The following ENOX1 variants were observed in gnomAD, a reference collection of about 807,000 sequenced individuals.
The protein encoded by ENOX1 is candidate growth-related and time keeping constitutive hydroquinone (NADH) oxidase.
ENOX1 carries 42 observed loss-of-function variants against 82.5 expected under a neutral mutation model. The ratio of observed to expected loss-of-function variants is 0.51; its 90% CI spans 0.40 to 0.66. ENOX1 has a LOEUF of 0.66. Among genes scored for constraint, ENOX1 ranks in the 30% least tolerant of loss-of-function variants. The pLI, the probability that ENOX1 is intolerant of heterozygous loss-of-function variation, is 0.00. For missense variants in ENOX1, 608 were observed against 811.6 expected (o/e 0.75, Z 3.05); for synonymous variants, 271 against 282.2 (o/e 0.96, Z 0.40).
intron 5 of ENOX1, among the ~76,000 whole-genome samples, chr13:43,363,213 T>C (rs973623485): frequency 2.6e-5 from 4 of 152,202 alleles, no homozygotes; most frequent in African/African-American, 9.6e-5. Context: ...AAGTATGATT[T>C]CCATTTTACA....
Position 43,326,449 on chromosome 13 carries a change from C to T in ENOX1, c.1113G>A (p.Lys371=), listed in dbSNP as rs1374177814. ...AATGCTTTCGCCAAATGTCTATGTTCTTGCGCTGGGCTTTCGAGAAATGGT... is the reference window on the plus strand; with the variant it reads ...AATGCTTTCGCCAAATGTCTATGTTTTTGCGCTGGGCTTTCGAGAAATGGT... The part of the protein sequence containing the change: ...AWDHFSKAQR[K]NIDIWRKHSE... Residue 371 remains lysine (K), a synonymous_variant, in exon 10 of 17, where the codon AAG becomes AAA. Transcript: ENST00000690772. The T allele has an allele frequency of 6.2e-7, 1 of 1,614,148 alleles. No homozygotes were observed. The highest frequency in any genetic ancestry group is 1.7e-5 in the Admixed American group (1 of 60,030).
chr13:43,582,249 A>G (rs1225731806), intron 2 of ENOX1, among the ~76,000 whole-genome samples: 1 of 152,222 alleles, frequency 6.6e-6, no homozygotes, highest in Admixed American at 6.5e-5. Flanking sequence ...AACTTTTAAA[A>G]AAAATCCACA....
intron 1 of ENOX1, among the ~76,000 whole-genome samples, chr13:43,781,455 C>T (rs150926291): frequency 1.4e-3 from 210 of 152,116 alleles, no homozygotes; most frequent in African/African-American, 4.3e-3. Context: ...AATCTGAATA[C>T]ATTATTTTTA....
chr13:43,538,148 C>T (rs76166250), intron 2 of ENOX1, among the ~76,000 whole-genome samples: 4,402 of 152,278 alleles, frequency 0.029, 187 homozygotes, highest in African/African-American at 0.096. Context: ...GGTGTGTGCA[C>T]GCTGATATAG....
chr13:43,603,589 C>T (rs1040389359), intron 2 of ENOX1, among the ~76,000 whole-genome samples: 4 of 146,074 alleles, frequency 2.7e-5, no homozygotes, highest in Non-Finnish European at 5.9e-5. Context: ...TTCTTGTGTC[C>T]ATGTGTTCTC....
Position 43,484,144 on chromosome 13 carries a change from C to A in ENOX1, c.-210G>T, listed in dbSNP as rs2153657511. ...GGAAGACAGCATGGTTCTGACATATCAGAGGCTTCTGGAAGCAAAGAAAAG... is the reference window on the plus strand; with the variant it reads ...GGAAGACAGCATGGTTCTGACATATAAGAGGCTTCTGGAAGCAAAGAAAAG... On this transcript the variant is annotated 5_prime_UTR_variant, in exon 3 of 17. It removes the in-frame stop codon of an upstream open reading frame in the 5' UTR. Transcript: ENST00000690772. The A allele has an allele frequency of 3.0e-6, 3 of 985,392 alleles. No individual in the cohort carries two copies. The highest frequency in any genetic ancestry group is 4.7e-5 in the South Asian group (1 of 21,272). The allele number at this position is 985,392 out of a possible 1,614,324, so 61.0% of individuals were successfully genotyped here.
chr13:43,608,019 G>A (rs1456538199), intron 2 of ENOX1, among the ~76,000 whole-genome samples: 1 of 152,200 alleles, frequency 6.6e-6, no homozygotes, highest in Non-Finnish European at 1.5e-5. Flanking sequence ...CATGTATGAT[G>A]CAGAATGGCT....
intron 3 of ENOX1, among the ~76,000 whole-genome samples, chr13:43,417,242 C>A (rs1158909469): frequency 0.077 from 6,346 of 82,462 alleles, 607 homozygotes; most frequent in African/African-American, 0.23. Context: ...AGACGGGAGA[C>A]GGGAGAGGGA....
chr13:43,641,876 A>G (rs2083670345), intron 2 of ENOX1, among the ~76,000 whole-genome samples: 1 of 152,166 alleles, frequency 6.6e-6, no homozygotes, highest in South Asian at 2.1e-4. Context: ...GTCTATCAAG[A>G]TATTTCAAAA....
intron 14 of ENOX1, among the ~76,000 whole-genome samples, chr13:43,243,901 C>G (rs117482421): frequency 0.01 from 1,536 of 152,154 alleles, 14 homozygotes; most frequent in South Asian, 0.028. Context: ...ACATTTTACA[C>G]ACAGCACAAG....
intron 14 of ENOX1, among the ~76,000 whole-genome samples, chr13:43,237,502 G>C (rs1022009301): frequency 2.0e-5 from 3 of 152,172 alleles, no homozygotes; most frequent in Admixed American, 6.5e-5. Context: ...AGAATCATTA[G>C]GGAAGTTGAG....
chr13:43,315,882 A>G (rs1482617115), intron 11 of ENOX1, among the ~76,000 whole-genome samples: 1 of 152,220 alleles, frequency 6.6e-6, no homozygotes, highest in Non-Finnish European at 1.5e-5. Context: ...TGAAATGCCC[A>G]GAACACATAA....
chr13:43,299,855 C>T (rs1449430406), intron 11 of ENOX1, among the ~76,000 whole-genome samples: 2 of 152,174 alleles, frequency 1.3e-5, no homozygotes, highest in African/African-American at 4.8e-5. Context: ...TCAGTGCATG[C>T]GCGTTTCCAG....
chr13:43,635,278 T>C (rs1224819460), intron 2 of ENOX1, among the ~76,000 whole-genome samples: 1 of 152,204 alleles, frequency 6.6e-6, no homozygotes, highest in Non-Finnish European at 1.5e-5. Flanking sequence ...CTTAGTTTTA[T>C]TCAGACTTAA....
chr13:43,700,960 AT>A (rs1346395136), intron 1 of ENOX1, among the ~76,000 whole-genome samples: 2 of 152,012 alleles, frequency 1.3e-5, no homozygotes, highest in Non-Finnish European at 2.9e-5. Flanking sequence ...ATTTTAAAAG[AT>A]TTTTTCTTAT....
rs58695069 is a variant in ENOX1 at position 43,390,161 on chromosome 13, A to G, written c.208+21755T>C. ...TCATTCTCATCATTTCTAAAAGCCA[A>G]GCAGCCTTCAGTCAGTTTCACAATA... On this transcript the variant is annotated intron_variant, in intron 5 of 16. Transcript: ENST00000690772. Among the ~76,000 whole-genome samples, 388 of 152,326 alleles carry G rather than the reference A, an allele frequency of 2.5e-3. 1 individual carries two copies. Among genetic ancestry groups the G allele is most frequent in the African/African-American group, 8.9e-3 (371 of 41,576 alleles).
At chr13:43,563,427 A>C (rs952107193) in intron 2 of ENOX1, among the ~76,000 whole-genome samples, 5 of 152,118 alleles carry the variant, frequency 3.3e-5, no homozygotes, top group African/African-American at 1.2e-4. Context: ...ACTATAAAAG[A>C]AGAAAAACTT....
At chr13:43,370,195 A>T (rs544623488) in intron 5 of ENOX1, among the ~76,000 whole-genome samples, 94 of 152,218 alleles carry the variant, frequency 6.2e-4, no homozygotes, top group Admixed American at 3.9e-3. Context: ...GTGAAACCCC[A>T]TCTCTGCTAA....
At chr13:43,562,669 A>T (rs917858895) in intron 2 of ENOX1, among the ~76,000 whole-genome samples, 3 of 152,172 alleles carry the variant, frequency 2.0e-5, no homozygotes, top group Non-Finnish European at 4.4e-5. Flanking sequence ...ACCTATAAAG[A>T]CACACATAGA....
Sources: gnomAD v4.1 joint callset for allele counts (sites outside exome capture counted in the v4.1 genomes callset) on GRCh38, gnomAD v4.1.1 for gene constraint, MANE v1.5 for transcripts, NCBI Gene and HGNC (gene_info 2026-07-23, HGNC 2026-07-21) for gene names.